The following ADAMTSL1 variants were observed in gnomAD, a reference collection of about 807,000 sequenced individuals.
ADAMTSL1 encodes ADAMTS-like protein 1.
Under a neutral mutation model 201.8 loss-of-function variants are expected in ADAMTSL1, and 126 were observed. The observed-to-expected ratio is 0.62, with a 90% CI of 0.54 to 0.72. The LOEUF (loss-of-function observed/expected upper bound fraction) is 0.72, where lower values mean the gene tolerates loss of function less well. Among genes scored for constraint, ADAMTSL1 ranks in the 30% least tolerant of loss-of-function variants. The pLI is 0.00. For missense variants in ADAMTSL1, 2,679 were observed against 2,277.8 expected, an observed-to-expected ratio of 1.18 and a Z score of -3.59; for synonymous variants, 1,121 against 903.4, an observed-to-expected ratio of 1.24 and a Z score of -4.32.
chr9:18,864,059 T>C (rs545781136), intron 23 of ADAMTSL1, among the ~76,000 whole-genome samples: 1 of 152,348 alleles, frequency 6.6e-6, no homozygotes, highest in East Asian at 1.9e-4. Flanking sequence ...TTCATACTTT[T>C]ACACAGCATG....
chr9:18,199,408 C>A (rs566510674), intron 2 of ADAMTSL1, among the ~76,000 whole-genome samples: 70 of 151,858 alleles, frequency 4.6e-4, no homozygotes, highest in African/African-American at 1.6e-3. Context: ...AAATATAAGA[C>A]AATTGATCAC....
chr9:18,446,117 T>A (rs1461912726), intron 2 of ADAMTSL1, among the ~76,000 whole-genome samples: 1 of 152,118 alleles, frequency 6.6e-6, no homozygotes, highest in African/African-American at 2.4e-5. Flanking sequence ...ATTAGCTCAA[T>A]TGTGCGATTA....
At chr9:18,329,628 G>T (rs1834953913) in intron 2 of ADAMTSL1, among the ~76,000 whole-genome samples, 2 of 152,152 alleles carry the variant, frequency 1.3e-5, no homozygotes, top group African/African-American at 4.8e-5. Flanking sequence ...ATAGGCAGTG[G>T]CTTATCTTTA....
chr9:18,892,283 T>C, intron 25 of ADAMTSL1, 106 bp from the exon 26 acceptor site: 2 of 1,142,070 alleles, frequency 1.8e-6, no homozygotes, highest in Non-Finnish European at 2.5e-6. Flanking sequence ...AAAAAGGGCC[T>C]TGGCCCCAAA....
At chr9:18,898,942 T>C (rs1480725554) in intron 26 of ADAMTSL1, among the ~76,000 whole-genome samples, 1 of 152,166 alleles carries the variant, frequency 6.6e-6, no homozygotes, top group African/African-American at 2.4e-5. Context: ...TATTGGAAGT[T>C]CTCGCCAGGG....
At chr9:18,001,779 C>G (rs1819620277) in intron 1 of ADAMTSL1, among the ~76,000 whole-genome samples, 1 of 151,934 alleles carries the variant, frequency 6.6e-6, no homozygotes, top group African/African-American at 2.4e-5. Flanking sequence ...TGTGATACCA[C>G]TGAGGAGCAT....
chr9:18,504,365 G>T (rs888708158), intron 1 of ADAMTSL1, among the ~76,000 whole-genome samples: 8 of 152,156 alleles, frequency 5.3e-5, no homozygotes, highest in Admixed American at 4.6e-4. Context: ...GAATGCAGTT[G>T]CTTTATTAAA....
At chr9:18,712,921 C>T (rs565919901) in intron 14 of ADAMTSL1, among the ~76,000 whole-genome samples, 1 of 147,868 alleles carries the variant, frequency 6.8e-6, no homozygotes, top group African/African-American at 2.5e-5. Flanking sequence ...CCCTACAAGC[C>T]AGAAGAGAGT....
chr9:18,342,621 T>G (rs1321515928), intron 2 of ADAMTSL1, among the ~76,000 whole-genome samples: 1 of 152,182 alleles, frequency 6.6e-6, no homozygotes, highest in Non-Finnish European at 1.5e-5. Flanking sequence ...AGATGATGGT[T>G]TAGTGAGACA....
At chr9:17,929,306 T>C (rs184004156) in intron 1 of ADAMTSL1, among the ~76,000 whole-genome samples, 150 of 152,166 alleles carry the variant, frequency 9.9e-4, no homozygotes, top group Admixed American at 2.1e-3. Flanking sequence ...TTAGACATTT[T>C]ATCCTAATCC....
chr9:18,648,212 C>A lies in ADAMTSL1; in HGVS notation c.834+8801C>A, dbSNP rs1050324660. ...TTGTCAGAGACTAGGATTGCCAACC[C>A]TGCCTTTTTTTGTTTTCCATTTGCT... is the stretch of plus-strand genomic sequence containing the variant. On this transcript the variant is annotated intron_variant, in intron 7 of 28. Transcript: ENST00000380548. 3.8e-5 allele frequency among the ~76,000 whole-genome samples: 5 copies of A among 133,332 alleles called. 1 individual carries two copies. The highest frequency in any genetic ancestry group is 6.8e-5 in the Non-Finnish European group (4 of 58,634). The allele number at this position is 133,332 out of a possible 152,430, so 87.5% of individuals were successfully genotyped here.
intron 16 of ADAMTSL1, among the ~76,000 whole-genome samples, chr9:18,763,863 T>C (rs1820214117): frequency 6.6e-6 from 1 of 152,224 alleles, no homozygotes; most frequent in South Asian, 2.1e-4. Flanking sequence ...TTCATGCCAG[T>C]ACTATGCTAT....
intron 1 of ADAMTSL1, among the ~76,000 whole-genome samples, chr9:18,035,291 T>C (rs1444204248): frequency 1.3e-5 from 2 of 152,210 alleles, no homozygotes; most frequent in African/African-American, 4.8e-5. Flanking sequence ...GCATCCTTTT[T>C]GCACATCCTG....
intron 2 of ADAMTSL1, among the ~76,000 whole-genome samples, chr9:18,323,065 T>C (rs1834690493): frequency 2.0e-5 from 3 of 151,948 alleles, no homozygotes; most frequent in Non-Finnish European, 4.4e-5. Context: ...ATACAAAATC[T>C]GAGAAAAAAG....
chr9:18,725,610 A>G (rs551608362), intron 15 of ADAMTSL1, among the ~76,000 whole-genome samples: 4 of 152,334 alleles, frequency 2.6e-5, no homozygotes, highest in East Asian at 3.9e-4. Flanking sequence ...ATTCCTAATA[A>G]GGAGGTTTTC....
intron 19 of ADAMTSL1, among the ~76,000 whole-genome samples, chr9:18,789,336 T>C (rs1020892640): frequency 6.6e-6 from 1 of 152,190 alleles, no homozygotes; most frequent in African/African-American, 2.4e-5. Flanking sequence ...TCATTCTCAT[T>C]TTATAAATGA....
chr9:18,890,400 A>G (rs1829170443), intron 25 of ADAMTSL1, among the ~76,000 whole-genome samples: 1 of 152,160 alleles, frequency 6.6e-6, no homozygotes, highest in Non-Finnish European at 1.5e-5. Context: ...CTCTGTCCTC[A>G]GCAGTAGTTA....
In ADAMTSL1 at chr9:18,681,697, T is replaced by TGTGGGGG. The variant is rs370940110; in HGVS notation, c.1342-114_1342-113insTGGGGGG. ...TATAAATTTACCAGGAGTCCTCGTG[T>TGTGGGGG]GGGGGGGGGGGGCGGGGAAAAAGAA... On this transcript the variant is annotated intron_variant, in intron 11 of 28. Transcript: ENST00000380548. 3.2e-4 allele frequency: 78 copies of TGTGGGGG among 240,312 alleles called. 1 individual carries two copies. Among genetic ancestry groups the TGTGGGGG allele is most frequent in the African/African-American group, 2.6e-3 (40 of 15,460 alleles). The allele number at this position is 240,312 out of a possible 1,614,324, so 14.9% of individuals were successfully genotyped here.
chr9:18,463,717 A>G (rs2131720007), intron 2 of ADAMTSL1, among the ~76,000 whole-genome samples: 1 of 152,272 alleles, frequency 6.6e-6, no homozygotes, highest in South Asian at 2.1e-4. Context: ...ATCCCATTGT[A>G]TGTATATATG....
Sources: gnomAD v4.1 joint callset for allele counts (sites outside exome capture counted in the v4.1 genomes callset) on GRCh38, gnomAD v4.1.1 for gene constraint, MANE v1.5 for transcripts, NCBI Gene and HGNC (gene_info 2026-07-23, HGNC 2026-07-21) for gene names.